TMPRSS11D: variants seen among roughly 807,000 people sequenced by gnomAD.
The protein encoded by TMPRSS11D is transmembrane serine protease 11D.
Under a neutral mutation model 44.4 loss-of-function variants are expected in TMPRSS11D, and 32 were observed. The ratio of observed to expected loss-of-function variants is 0.72; its 90% confidence interval spans 0.54 to 0.97. TMPRSS11D has a LOEUF of 0.97. Among genes scored for constraint, TMPRSS11D ranks in the 50% least tolerant of loss-of-function variants. The pLI is 0.00. For missense variants in TMPRSS11D, 446 were observed against 502.6 expected (o/e 0.89, Z 1.08); for synonymous variants, 179 against 177.9 (o/e 1.01, Z -0.05).
intron 1 of TMPRSS11D, among the ~76,000 whole-genome samples, chr4:67,864,406 A>G (rs913636271): frequency 2.0e-5 from 3 of 152,140 alleles, no homozygotes; most frequent in Admixed American, 1.3e-4. Flanking sequence ...GGAATTCTAA[A>G]CATGGGAATG....
intron 1 of TMPRSS11D, among the ~76,000 whole-genome samples, chr4:67,883,717 T>TAAA (rs1230989658): frequency 6.6e-6 from 1 of 152,084 alleles, no homozygotes; most frequent in South Asian, 2.1e-4. Context: ...GGTTGTTTTA[T>TAAA]AAAAAATTCA....
chr4:67,871,145 G>A (rs1719053449), intron 1 of TMPRSS11D, among the ~76,000 whole-genome samples: 1 of 36,392 alleles, frequency 2.7e-5, no homozygotes, highest in African/African-American at 6.4e-5. Context: ...TATAAAGGAA[G>A]GTGATGAATA....
At chr4:67,839,593 G>A (rs901079558) in intron 4 of TMPRSS11D, among the ~76,000 whole-genome samples, 4 of 151,780 alleles carry the variant, frequency 2.6e-5, no homozygotes, top group African/African-American at 9.7e-5. Context: ...TGAACTTGAG[G>A]TTTTAGAAAA....
intron 3 of TMPRSS11D, among the ~76,000 whole-genome samples, chr4:67,846,465 A>G (rs1718359772): frequency 6.6e-6 from 1 of 152,084 alleles, no homozygotes; most frequent in South Asian, 2.1e-4. Context: ...TCTGATTCTA[A>G]GTTTAATTTC....
At chr4:67,839,499 G>A (rs936767059) in intron 4 of TMPRSS11D, among the ~76,000 whole-genome samples, 1 of 152,096 alleles carries the variant, frequency 6.6e-6, no homozygotes, top group Non-Finnish European at 1.5e-5. Context: ...AGTATGTGGT[G>A]AGACTAGAAT....
chr4:67,825,861 T>C lies in TMPRSS11D; in HGVS notation c.966A>G (p.Pro322=). The change falls in exon 9 of 10, where the codon CCA becomes CCG. Residue 322 remains proline (P), a synonymous_variant. Coordinates refer to ENST00000283916, the MANE Select transcript of TMPRSS11D (RefSeq NM_004262.3). ...GAQEYAGHTV[P]ELRQGQVRII... is the part of the protein sequence containing the mutation. ...TTCTGACCTGTCCTTGCCTTAGCTC[T>C]GGAACTGTGTGGCCTGTTTGTTATA... is the stretch of plus-strand genomic sequence containing the variant. 1 of 1,611,470 alleles carries C rather than the reference T, an allele frequency of 6.2e-7. No homozygotes were observed. Among genetic ancestry groups the C allele is most frequent in the Non-Finnish European group, 8.5e-7 (1 of 1,178,392 alleles).
At chr4:67,865,650 C>A (rs6849282) in intron 1 of TMPRSS11D, among the ~76,000 whole-genome samples, 1 of 151,596 alleles carries the variant, frequency 6.6e-6, no homozygotes, top group Non-Finnish European at 1.5e-5. Flanking sequence ...AAACTACAAT[C>A]ATATAGAAAT....
intron 8 of TMPRSS11D, 87 bp from the exon 9 acceptor site, chr4:67,825,961 C>T: frequency 2.2e-6 from 3 of 1,355,600 alleles, no homozygotes; most frequent in Admixed American, 2.3e-5. Flanking sequence ...AATAAATGTA[C>T]TCCAAACATT....
chr4:67,854,893 G>T (rs1391295195), intron 2 of TMPRSS11D, among the ~76,000 whole-genome samples: 1 of 152,118 alleles, frequency 6.6e-6, no homozygotes, highest in Non-Finnish European at 1.5e-5. Flanking sequence ...AAACAGGAGG[G>T]AGTTCTCCCC....
At chr4:67,866,806 A>T (rs1718936106) in intron 1 of TMPRSS11D, among the ~76,000 whole-genome samples, 1 of 152,028 alleles carries the variant, frequency 6.6e-6, no homozygotes, top group African/African-American at 2.4e-5. Context: ...AAGGAAAATT[A>T]AAAAACACTG....
chr4:67,883,557 A>C (rs1424463205), intron 1 of TMPRSS11D, among the ~76,000 whole-genome samples: 1 of 149,544 alleles, frequency 6.7e-6, no homozygotes, highest in Non-Finnish European at 1.5e-5. Context: ...AAAACACAGA[A>C]TCCTCGAAAA....
chr4:67,848,227 A>G (rs533496124), intron 3 of TMPRSS11D, among the ~76,000 whole-genome samples: 3 of 152,340 alleles, frequency 2.0e-5, no homozygotes, highest in Admixed American at 2.0e-4. Context: ...GAGAGATTTA[A>G]TGACTCAGTT....
intron 1 of TMPRSS11D, among the ~76,000 whole-genome samples, chr4:67,877,694 C>T (rs563795354): frequency 2.3e-4 from 35 of 152,272 alleles, no homozygotes; most frequent in African/African-American, 8.4e-4. Flanking sequence ...ATGTGAAAAA[C>T]CTGAAAATTA....
chr4:67,862,493 T>C (rs1191376511), intron 1 of TMPRSS11D, among the ~76,000 whole-genome samples: 2 of 152,114 alleles, frequency 1.3e-5, no homozygotes, highest in African/African-American at 4.8e-5. Flanking sequence ...AGGGAATCAA[T>C]AGCTATTAAT....
intron 3 of TMPRSS11D, among the ~76,000 whole-genome samples, chr4:67,843,104 C>CTTT (rs35756612): frequency 2.6e-4 from 28 of 109,398 alleles, no homozygotes; most frequent in African/African-American, 8.2e-4. Flanking sequence ...AAAGGGCAGT[C>CTTT]TTTTTTTTTT....
intron 7 of TMPRSS11D, among the ~76,000 whole-genome samples, chr4:67,827,837 T>C (rs909728712): frequency 6.6e-6 from 1 of 152,112 alleles, no homozygotes; most frequent in East Asian, 1.9e-4. Flanking sequence ...TTCTCTTTTG[T>C]CCATACCTCC....
rs1390833735 is a variant in TMPRSS11D at position 67,822,346 on chromosome 4, A to C, written c.1248T>G (p.Thr416=). 3.7e-6 allele frequency: 6 copies of C among 1,613,628 alleles called. No homozygotes were observed. The highest frequency in any genetic ancestry group is 5.1e-6 in the Non-Finnish European group (6 of 1,179,668). Reference sequence around the variant, plus strand: ...GGATGCACTTGTTGCACTAGATCCCAGTTTGTTGCCTAATCCAGTCAAGGT... The same window carrying C: ...GGATGCACTTGTTGCACTAGATCCCCGTTTGTTGCCTAATCCAGTCAAGGT... The part of the protein sequence containing the change: ...TAYLDWIRQQ[T]GI The change falls in exon 10 of 10, where the codon ACT becomes ACG. Residue 416 remains threonine, a synonymous_variant. Coordinates refer to ENST00000283916, the MANE Select transcript of TMPRSS11D (RefSeq NM_004262.3).
intron 3 of TMPRSS11D, among the ~76,000 whole-genome samples, chr4:67,850,149 T>G (rs1319122963): frequency 6.6e-6 from 1 of 152,108 alleles, no homozygotes; most frequent in East Asian, 1.9e-4. Flanking sequence ...AGAAAGAGAT[T>G]AGAGTACAGA....
intron 5 of TMPRSS11D, among the ~76,000 whole-genome samples, chr4:67,836,226 T>A (rs960164015): frequency 1.3e-5 from 2 of 152,160 alleles, no homozygotes; most frequent in Non-Finnish European, 2.9e-5. Flanking sequence ...ACAGTTACAA[T>A]AATTTTCTAA....
Sources: gnomAD v4.1 joint callset for allele counts (sites outside exome capture counted in the v4.1 genomes callset) on GRCh38, gnomAD v4.1.1 for gene constraint, MANE v1.5 for transcripts, NCBI Gene and HGNC (gene_info 2026-07-23, HGNC 2026-07-21) for gene names.